Variants in COMMD9 observed in about 807,000 individuals in gnomAD.
The protein encoded by COMMD9 is COMM domain containing 9.
In COMMD9, 22 loss-of-function variants were observed where a neutral mutation model predicts 23.4. The observed-to-expected ratio is 0.94, with a 90% CI of 0.67 to 1.34. The LOEUF (loss-of-function observed/expected upper bound fraction) is 1.34, where lower values mean the gene tolerates loss of function less well. Ranked by LOEUF, COMMD9 falls within the 40% of genes most tolerant of loss-of-function variation. The pLI is 0.00. For synonymous variants in COMMD9, 99 were observed against 97.4 expected (o/e 1.02, Z -0.10); for missense variants, 231 against 240.2 (o/e 0.96, Z 0.25).
At chr11:36,282,274 G>C (rs1292108635) in intron 1 of COMMD9, among the ~76,000 whole-genome samples, 1 of 152,082 alleles carries the variant, frequency 6.6e-6, no homozygotes, top group Non-Finnish European at 1.5e-5. Context: ...AGTTTACTTA[G>C]AGACATACTC....
chr11:36,288,477 G>A (rs1434722418), intron 1 of COMMD9, among the ~76,000 whole-genome samples: 1 of 152,070 alleles, frequency 6.6e-6, no homozygotes, highest in Non-Finnish European at 1.5e-5. Flanking sequence ...GGAAAATAAA[G>A]CTGCCCTTTC....
In COMMD9 at chr11:36,286,395, CAAAA is replaced by C. The variant is rs138463305; in HGVS notation, c.51+2963_51+2966del. The stretch of plus-strand genomic sequence containing the variant: ...GGAAACCCTGTCTCTACTAAAAATA[CAAAA>C]AAAAAAAAAAAAAAGAAAGAAAGAA... On this transcript the variant is annotated intron_variant, in intron 1 of 5. Transcript: ENST00000263401. 4.8e-3 allele frequency among the ~76,000 whole-genome samples: 367 copies of C among 76,932 alleles called. 1 individual carries two copies. The highest frequency in any genetic ancestry group is 0.018 in the Middle Eastern group (2 of 110). 50.5% of individuals were successfully genotyped at this position (76,932 alleles called of 152,430 possible).
Position 36,274,733 on chromosome 11 carries a change from TG to T in COMMD9, c.495del (p.Ile166SerfsTer8). 6.2e-7 allele frequency: 1 copy of T among 1,614,238 alleles called. No individual in the cohort carries two copies. The highest frequency in any genetic ancestry group is 8.5e-7 in the Non-Finnish European group (1 of 1,180,038). On this transcript the variant is annotated frameshift_variant, in exon 6 of 6. Coordinates refer to ENST00000263401, the MANE Select transcript of COMMD9 (RefSeq NM_014186.4). LOFTEE classifies it high-confidence loss of function. The part of the protein sequence containing the change: ...EDPSLCGDKP[S>X]ISAVTVELSK... ...CTCAGCTCCACGGTGACAGCTGAGA[TG>T]GAGGGTTTGTCTCCGCATAGGCTGG... is the stretch of plus-strand genomic sequence containing the variant.
chr11:36,276,137 C>G lies in COMMD9; in HGVS notation c.456G>C (p.Lys152Asn). 2 of 1,610,834 alleles carry G rather than the reference C, an allele frequency of 1.2e-6. No individual in the cohort carries two copies. The highest frequency in any genetic ancestry group is 1.7e-6 in the Non-Finnish European group (2 of 1,177,038). Reference sequence around the variant, plus strand: ...TCTAATGGCATGATAGTGAATGTACCTTCATCTGGAGCAGGCAGGTGGGGA... The same window carrying G: ...TCTAATGGCATGATAGTGAATGTACGTTCATCTGGAGCAGGCAGGTGGGGA... ...MAVPTCLLQM[K>N]IQEDPSLCGD... The change falls in exon 5 of 6, where the codon AAG (lysine) becomes AAC (asparagine). Residue 152 changes from lysine to asparagine, a missense_variant and splice_region_variant. Physicochemically the swap from Lys to Asn is moderately conservative, Grantham distance 94. Transcript: ENST00000263401.
intron 1 of COMMD9, among the ~76,000 whole-genome samples, chr11:36,288,355 T>G (rs1296480241): frequency 7.6e-6 from 1 of 131,874 alleles, no homozygotes; most frequent in African/African-American, 3.1e-5. Flanking sequence ...CTTCACCTGG[T>G]GTTTAAAAAA....
In COMMD9 at chr11:36,274,760, G is replaced by T; in HGVS notation, c.469C>A (p.Pro157Thr). 6.2e-7 allele frequency: 1 copy of T among 1,614,228 alleles called. No homozygotes were observed. Among genetic ancestry groups the T allele is most frequent in the Non-Finnish European group, 8.5e-7 (1 of 1,180,036 alleles). ...CLLQMKIQED[P>T]SLCGDKPSIS... ...GAGGGTTTGTCTCCGCATAGGCTGG[G>T]ATCTTCTTGGATCTGAAACGAGAAC... The change falls in exon 6 of 6, where the codon CCC (proline) becomes ACC (threonine). Residue 157 changes from proline (P) to threonine (T), a missense_variant. Physicochemically the swap from Pro to Thr is conservative, Grantham distance 38. Coordinates refer to ENST00000263401, the MANE Select transcript of COMMD9 (RefSeq NM_014186.4).
At chr11:36,275,693 C>T (rs140139568) in intron 5 of COMMD9, among the ~76,000 whole-genome samples, 621 of 152,304 alleles carry the variant, frequency 4.1e-3, no homozygotes, top group Non-Finnish European at 6.7e-3. Context: ...CCACCCACCT[C>T]GGCCTCCCAA....
rs1162007459 is a variant in COMMD9, at chr11:36,273,167, A to G, written c.*1465T>C. ...AGATGTAGAAGTCAAGCACCTTACC[A>G]CTGAGAAGCAGAGCTGGCTTCTGAC... On this transcript the variant is annotated 3_prime_UTR_variant, in exon 6 of 6. Transcript: ENST00000263401. The G allele has an allele frequency of 6.6e-6, 1 of 152,212 alleles. No homozygotes were observed. Among genetic ancestry groups the G allele is most frequent in the Non-Finnish European group, 1.5e-5 (1 of 68,044 alleles). 9.4% of individuals were successfully genotyped at this position (152,212 alleles called of 1,614,324 possible). A position where few individuals can be genotyped will look rare whatever the true frequency, so the allele number is the denominator to read the frequency against.
intron 1 of COMMD9, among the ~76,000 whole-genome samples, chr11:36,282,829 A>T (rs1001278745): frequency 6.6e-6 from 1 of 152,204 alleles, no homozygotes; most frequent in Non-Finnish European, 1.5e-5. Flanking sequence ...AAGCTGGAGG[A>T]TCAGAGAAGC....
chr11:36,286,294 A>G (rs1856149796), intron 1 of COMMD9, among the ~76,000 whole-genome samples: 2 of 151,636 alleles, frequency 1.3e-5, no homozygotes, highest in African/African-American at 4.8e-5. Flanking sequence ...TCACATCTAT[A>G]ATCCCAGCAC....
chr11:36,276,573 G>C (rs953003681), intron 4 of COMMD9: 4 of 260,354 alleles, frequency 1.5e-5, no homozygotes, highest in Non-Finnish European at 3.0e-5. Context: ...TGTAGCTTCA[G>C]CAATAGTGGT....
Position 36,281,941 on chromosome 11 carries a change from C to T in COMMD9, c.52-1104G>A, listed in dbSNP as rs1590402822. On this transcript the variant is annotated intron_variant, in intron 1 of 5. Coordinates refer to ENST00000263401, the MANE Select transcript of COMMD9 (RefSeq NM_014186.4). ...CAATTTTTAAAATCGCCTCCTCAGC[C>T]AAGAAATAGAAGATATACAGAACAA... Among the ~76,000 whole-genome samples the T allele has an allele frequency of 2.0e-5, 3 of 151,876 alleles. No individual in the cohort carries two copies. The South Asian group carries it at 6.2e-4, about 32-fold the overall frequency.
At chr11:36,275,969 A>G (rs1009584712) in intron 5 of COMMD9, among the ~76,000 whole-genome samples, 168 bp downstream of exon 5, 4 of 152,262 alleles carry the variant, frequency 2.6e-5, no homozygotes, top group African/African-American at 9.6e-5. Flanking sequence ...TGTCCATAGT[A>G]TGTTACTGCA....
intron 2 of COMMD9, among the ~76,000 whole-genome samples, chr11:36,280,275 G>A (rs187737771): frequency 3.3e-5 from 5 of 152,306 alleles, no homozygotes; most frequent in Admixed American, 6.5e-5. Flanking sequence ...CTGAGGAGAA[G>A]GGGACCTTCT....
chr11:36,280,785 G>A lies in COMMD9; in HGVS notation c.104C>T (p.Ser35Leu), dbSNP rs751786847. The change falls in exon 2 of 6, where the codon TCA becomes TTA. Residue 35 changes from serine (S) to leucine (L), a missense_variant. Physicochemically the swap from Ser to Leu is moderately radical, Grantham distance 145. Transcript: ENST00000263401. ...RQLCQESFSS[S>L]ALGLKKLLDV... ...CAAGAGTTTTTTCAAGCCAAGGGCT[G>A]AACTGGAAAAGCTTTCTTGACACAG... 5 of 1,609,638 alleles carry A rather than the reference G, an allele frequency of 3.1e-6. No homozygotes were observed. Among genetic ancestry groups the A allele is most frequent in the Non-Finnish European group, 3.4e-6 (4 of 1,177,134 alleles).
chr11:36,289,192 TCTTA>T (rs1856224526), intron 1 of COMMD9, among the ~76,000 whole-genome samples, 166 bp downstream of exon 1: 2 of 152,100 alleles, frequency 1.3e-5, no homozygotes, highest in African/African-American at 4.8e-5. Context: ...GATATTTTGT[TCTTA>T]CTTTTTAAAA....
chr11:36,281,597 C>G (rs896537562), intron 1 of COMMD9, among the ~76,000 whole-genome samples: 1 of 152,192 alleles, frequency 6.6e-6, no homozygotes, highest in Non-Finnish European at 1.5e-5. Context: ...TCAACAGATG[C>G]CAAGTGGGGA....
intron 1 of COMMD9, among the ~76,000 whole-genome samples, chr11:36,287,069 T>C (rs72643415): frequency 0.13 from 17,618 of 138,120 alleles, 2,322 homozygotes; most frequent in East Asian, 0.2. Flanking sequence ...ATACTATGTA[T>C]ATCGCGTAGT....
At chr11:36,289,209 T>A (rs1164120496) in intron 1 of COMMD9, among the ~76,000 whole-genome samples, 153 bp downstream of exon 1, 1 of 152,128 alleles carries the variant, frequency 6.6e-6, no homozygotes. Context: ...TTTTAAAAGC[T>A]CAGAAAGACG....
Sources: allele counts gnomAD v4.1 joint callset (sites outside exome capture counted in the v4.1 genomes callset), GRCh38; gene constraint gnomAD v4.1.1; transcripts MANE v1.5; gene names NCBI Gene and HGNC (gene_info 2026-07-23, HGNC 2026-07-21).